GLI3: variants seen among roughly 807,000 people sequenced by gnomAD.
The protein encoded by GLI3 is GLI family zinc finger 3.
GLI3 carries 20 observed loss-of-function variants against 100.8 expected under a neutral mutation model. The ratio of observed to expected loss-of-function variants is 0.20; its 90% confidence interval spans 0.14 to 0.29. GLI3 has a LOEUF of 0.29. Among genes scored for constraint, GLI3 ranks in the 10% least tolerant of loss-of-function variants. The probability of loss-of-function intolerance (pLI) is 1.00; values close to 1 mark genes in which losing one functional copy is unlikely to be tolerated. For missense variants in GLI3, 2,040 were observed against 2,128.5 expected (o/e 0.96, Z 0.82); for synonymous variants, 938 against 860.5 (o/e 1.09, Z -1.58).
Position 41,972,768 on chromosome 7 carries a change from T to G in GLI3, c.1813-141A>C. ...AGGCTTTGAGGTGTTCAGATACCTC[T>G]AGGAACTAATAGTTTAATAAGGCCA... On this transcript the variant is annotated intron_variant, in intron 12 of 14. Transcript: ENST00000395925. This position sits in a 1 kb window ranked among gnomAD's most constrained non-coding sequence, Gnocchi z 4.4. 1.4e-6 allele frequency: 1 copy of G among 703,128 alleles called. No homozygotes were observed. Among genetic ancestry groups the G allele is most frequent in the South Asian group, 1.6e-5 (1 of 63,400 alleles). 43.6% of individuals were successfully genotyped at this position (703,128 alleles called of 1,614,324 possible).
intron 1 of GLI3, among the ~76,000 whole-genome samples, chr7:42,229,609 G>C (rs374180898): frequency 6.6e-6 from 1 of 152,198 alleles, no homozygotes; most frequent in Non-Finnish European, 1.5e-5. Flanking sequence ...TAGCACTGAA[G>C]AGTGACATTG....
Position 41,965,888 on chromosome 7 carries a change from G to A in GLI3, c.3185C>T (p.Ser1062Leu), listed in dbSNP as rs867192776. The A allele has an allele frequency of 6.2e-7, 1 of 1,613,664 alleles. No homozygotes were observed. Among genetic ancestry groups the A allele is most frequent in the Non-Finnish European group, 8.5e-7 (1 of 1,179,912 alleles). The change falls in exon 15 of 15, where the codon TCG becomes TTG. Residue 1062 changes from serine to leucine, a missense_variant. This residue lies in a region of GLI3 where 1,041 missense variants were observed against 924.0 expected (regional missense o/e 1.13). Coordinates refer to ENST00000395925, the MANE Select transcript of GLI3 (RefSeq NM_000168.6). Reference protein sequence around the residue: ...PEGGQSRNFHSSPCPPSITEN... With the variant: ...PEGGQSRNFHLSPCPPSITEN... ...GGTGATGCTGGGAGGACAGGGGGAC[G>A]AGTGGAAGTTTCGGGACTGGCCGCC... is the stretch of plus-strand genomic sequence containing the variant.
In GLI3 at chr7:41,965,387, A is replaced by G. The variant is rs1342120954; in HGVS notation, c.3686T>C (p.Leu1229Ser). ...ACTTCCGGGGCTGTTGTGGAGCATC[A>G]AGTGCTCTGGGCCACCGTAGGGGTT... is the stretch of plus-strand genomic sequence containing the variant. Reference protein sequence around the residue: ...NSNPYGGPEHLMLHNSPGSGT... With the variant: ...NSNPYGGPEHSMLHNSPGSGT... Residue 1229 changes from leucine to serine, a missense_variant, in exon 15 of 15, where the codon TTG (leucine) becomes TCG (serine). Around this residue, in one of 5 missense-constraint regions of GLI3, gnomAD observed 1,041 missense variants for 924.0 expected, o/e 1.13. Coordinates refer to ENST00000395925, the MANE Select transcript of GLI3 (RefSeq NM_000168.6). 2 of 1,612,246 alleles carry G rather than the reference A, an allele frequency of 1.2e-6. No homozygotes were observed. Among genetic ancestry groups the G allele is most frequent in the Non-Finnish European group, 1.7e-6 (2 of 1,179,276 alleles).
intron 10 of GLI3, among the ~76,000 whole-genome samples, chr7:42,021,393 C>A (rs1463429486): frequency 6.6e-6 from 1 of 152,146 alleles, no homozygotes; most frequent in East Asian, 1.9e-4. Flanking sequence ...ATAAAACAGA[C>A]AATATGGTGG....
At chr7:42,097,158 G>A (rs929949328) in intron 3 of GLI3, among the ~76,000 whole-genome samples, 1 of 152,238 alleles carries the variant, frequency 6.6e-6, no homozygotes, top group Non-Finnish European at 1.5e-5. Flanking sequence ...AAGCGTTTCA[G>A]AAACAGAGAA....
At chr7:42,128,466 T>C (rs1002596110) in intron 3 of GLI3, among the ~76,000 whole-genome samples, 2 of 152,244 alleles carry the variant, frequency 1.3e-5, no homozygotes, top group African/African-American at 4.8e-5. Context: ...TCACTGTCTT[T>C]GGAAAGCTGC....
At chr7:42,154,921 A>C (rs1339008350) in intron 2 of GLI3, among the ~76,000 whole-genome samples, 2 of 152,178 alleles carry the variant, frequency 1.3e-5, no homozygotes, top group Non-Finnish European at 2.9e-5. Flanking sequence ...ATTGACAATG[A>C]CGGATGACAG....
At chr7:42,013,573 A>G (rs1183445303) in intron 10 of GLI3, among the ~76,000 whole-genome samples, 2 of 152,012 alleles carry the variant, frequency 1.3e-5, no homozygotes, top group South Asian at 2.1e-4. Flanking sequence ...GGGTCTTGCT[A>G]TGTTGCCCAG....
intron 1 of GLI3, among the ~76,000 whole-genome samples, chr7:42,259,257 G>T (rs1383604462): frequency 2.0e-5 from 3 of 152,154 alleles, no homozygotes. Context: ...GTAAAATAAA[G>T]AAGGCAGTTC....
chr7:42,140,974 T>C (rs1311293842), intron 3 of GLI3, among the ~76,000 whole-genome samples: 1 of 151,812 alleles, frequency 6.6e-6, no homozygotes, highest in East Asian at 1.9e-4. Context: ...GGGAAAGAAA[T>C]CACAAGCAAC....
intron 3 of GLI3, among the ~76,000 whole-genome samples, chr7:42,112,965 G>A (rs1785751180): frequency 6.6e-6 from 1 of 152,148 alleles, no homozygotes; most frequent in Non-Finnish European, 1.5e-5. Flanking sequence ...TTGAGGTCAG[G>A]AGTTCGAGAC....
At chr7:42,236,915 G>GGCCGCA (rs1001866910) in intron 1 of GLI3, 56 bp downstream of exon 1, 10 of 152,050 alleles carry the variant, frequency 6.6e-5, no homozygotes, top group African/African-American at 2.2e-4. Context: ...GCGCGGGCGC[G>GGCCGCA]GCCGCAGGAG....
chr7:42,076,951 A>G (rs1205439375), intron 3 of GLI3, 94 bp from the exon 4 acceptor site: 5 of 765,890 alleles, frequency 6.5e-6, no homozygotes, highest in Non-Finnish European at 1.2e-5. Context: ...TTGTATCTTC[A>G]CTACCTACAC....
intron 2 of GLI3, among the ~76,000 whole-genome samples, chr7:42,207,820 T>C (rs1450425147): frequency 6.6e-6 from 1 of 152,206 alleles, no homozygotes; most frequent in African/African-American, 2.4e-5. Context: ...GTTTTTCTTT[T>C]ATGCTTTTCT....
At chr7:41,968,920 A>T (rs929136667) in intron 13 of GLI3, among the ~76,000 whole-genome samples, 18 of 152,066 alleles carry the variant, frequency 1.2e-4, no homozygotes, top group African/African-American at 4.3e-4. Flanking sequence ...AACCGAGTAG[A>T]CTCTATAAGA....
At chr7:42,247,872 A>C (rs1788991981) in intron 1 of GLI3, among the ~76,000 whole-genome samples, 1 of 152,218 alleles carries the variant, frequency 6.6e-6, no homozygotes, top group Admixed American at 6.5e-5. Flanking sequence ...CTGCGTGAGC[A>C]ACACAGTGGC....
intron 4 of GLI3, among the ~76,000 whole-genome samples, chr7:42,072,218 A>T (rs917834837): frequency 1.3e-5 from 2 of 152,192 alleles, no homozygotes; most frequent in East Asian, 1.9e-4. Context: ...GTAACCAAGG[A>T]CCCTGCTTTG....
chr7:42,037,206 A>T (rs908649865), intron 7 of GLI3, among the ~76,000 whole-genome samples: 2 of 152,216 alleles, frequency 1.3e-5, no homozygotes, highest in Non-Finnish European at 2.9e-5. Context: ...GAGAACGGTG[A>T]GTGAGCATGA....
intron 2 of GLI3, among the ~76,000 whole-genome samples, chr7:42,196,976 A>G (rs910393984): frequency 2.6e-5 from 4 of 152,204 alleles, no homozygotes; most frequent in African/African-American, 4.8e-5. Flanking sequence ...CTTCATTTCT[A>G]TTACTCCTGA....
Sources: allele counts gnomAD v4.1 joint callset (sites outside exome capture counted in the v4.1 genomes callset), GRCh38; gene constraint gnomAD v4.1.1; regional missense constraint gnomAD v4.1.1; non-coding constraint Gnocchi (gnomAD v3.1); transcripts MANE v1.5; gene names NCBI Gene and HGNC (gene_info 2026-07-23, HGNC 2026-07-21).